The following TMEM117 variants were observed in gnomAD, a reference collection of about 807,000 sequenced individuals.
TMEM117 encodes transmembrane protein 117.
In TMEM117, 27 loss-of-function variants were observed where a neutral mutation model predicts 52.4. The observed-to-expected ratio is 0.51, with a 90% confidence interval of 0.38 to 0.71. The LOEUF (loss-of-function observed/expected upper bound fraction) is 0.71. Among genes scored for constraint, TMEM117 ranks in the 30% least tolerant of loss-of-function variants. TMEM117 has a pLI of 0.00. For synonymous variants in TMEM117, 215 were observed against 206.3 expected (o/e 1.04, Z -0.36); for missense variants, 556 against 630.5 (o/e 0.88, Z 1.26).
At chr12:44,014,228 C>T (rs940469611) in intron 3 of TMEM117, among the ~76,000 whole-genome samples, 1 of 152,078 alleles carries the variant, frequency 6.6e-6, no homozygotes, top group African/African-American at 2.4e-5. Flanking sequence ...TTCCAGTCAC[C>T]CCACTGTGGT....
intron 5 of TMEM117, among the ~76,000 whole-genome samples, chr12:44,230,832 C>A (rs1412493808): frequency 6.6e-6 from 1 of 151,988 alleles, no homozygotes; most frequent in African/African-American, 2.4e-5. Context: ...TAATACATTT[C>A]TTTAATTCCT....
At chr12:44,375,318 T>C (rs1206807691) in intron 6 of TMEM117, among the ~76,000 whole-genome samples, 1 of 152,222 alleles carries the variant, frequency 6.6e-6, no homozygotes, top group Non-Finnish European at 1.5e-5. Context: ...AACAAGAGAT[T>C]TACATGTACC....
chr12:44,183,352 A>G (rs1005838706), intron 4 of TMEM117, among the ~76,000 whole-genome samples: 1 of 152,168 alleles, frequency 6.6e-6, no homozygotes, highest in African/African-American at 2.4e-5. Context: ...TTGGATACTT[A>G]CTTTGCATAG....
At chr12:44,148,556 A>G (rs2138214304) in intron 4 of TMEM117, among the ~76,000 whole-genome samples, 1 of 152,216 alleles carries the variant, frequency 6.6e-6, no homozygotes, top group African/African-American at 2.4e-5. Context: ...TTTGAGTGAC[A>G]ATTTTTGCTG....
intron 5 of TMEM117, among the ~76,000 whole-genome samples, chr12:44,293,133 T>C (rs1347353373): frequency 2.0e-5 from 3 of 152,048 alleles, no homozygotes; most frequent in Non-Finnish European, 4.4e-5. Flanking sequence ...ACAAAATTGT[T>C]ACATTCTCTT....
At chr12:43,895,819 C>T (rs899160844) in intron 2 of TMEM117, among the ~76,000 whole-genome samples, 2 of 152,166 alleles carry the variant, frequency 1.3e-5, no homozygotes, top group Non-Finnish European at 2.9e-5. Context: ...ATAATATGTC[C>T]TTAAACTTAC....
intron 4 of TMEM117, among the ~76,000 whole-genome samples, chr12:44,166,744 G>A (rs1426448407): frequency 6.6e-6 from 1 of 152,150 alleles, no homozygotes; most frequent in Non-Finnish European, 1.5e-5. Flanking sequence ...TAAGCATCCT[G>A]CAAAATCTTC....
In TMEM117 at chr12:44,334,413, T is replaced by C. The variant is rs544694001; in HGVS notation, c.768+34674T>C. 2.6e-5 allele frequency among the ~76,000 whole-genome samples: 4 copies of C among 152,104 alleles called. No individual in the cohort carries two copies. The South Asian group carries it at 8.3e-4, about 31-fold the overall frequency. The stretch of plus-strand genomic sequence containing the variant: ...ATGTGACTTAATGGAAAAGCTACCT[T>C]ACCAAGATTTAGGAGTACATGATTG... On this transcript the variant is annotated intron_variant, in intron 6 of 7. Coordinates refer to ENST00000266534, the MANE Select transcript of TMEM117 (RefSeq NM_032256.3).
At chr12:44,376,153 T>A (rs1243555024) in intron 6 of TMEM117, among the ~76,000 whole-genome samples, 3 of 152,196 alleles carry the variant, frequency 2.0e-5, no homozygotes, top group African/African-American at 7.2e-5. Flanking sequence ...CTTGGTTAAG[T>A]GAATCAGATC....
At chr12:44,252,099 A>G (rs934639455) in intron 5 of TMEM117, among the ~76,000 whole-genome samples, 1 of 152,166 alleles carries the variant, frequency 6.6e-6, no homozygotes, top group Non-Finnish European at 1.5e-5. Context: ...GTCTTCTCTC[A>G]GTTTCACAAG....
At chr12:44,035,903 G>A (rs1946702623) in intron 3 of TMEM117, among the ~76,000 whole-genome samples, 1 of 152,114 alleles carries the variant, frequency 6.6e-6, no homozygotes. Flanking sequence ...GACTGCTGAG[G>A]GCCCCTGAGT....
intron 5 of TMEM117, among the ~76,000 whole-genome samples, chr12:44,221,859 C>A (rs1272467035): frequency 1.3e-5 from 2 of 151,974 alleles, no homozygotes; most frequent in Admixed American, 6.6e-5. Flanking sequence ...CCACCACGCC[C>A]AGCTAATTTT....
At chr12:43,799,149 A>C in the TMEM117 span, among the ~76,000 whole-genome samples, 2 of 152,216 alleles carry the variant, frequency 1.3e-5, no homozygotes, top group East Asian at 3.9e-4. Flanking sequence ...CTTCAAAAGG[A>C]AGATTTACTA....
At chr12:43,844,965 T>G in intron 2 of TMEM117, 37 bp downstream of exon 2, 2 of 1,565,224 alleles carry the variant, frequency 1.3e-6, no homozygotes, top group Non-Finnish European at 1.7e-6. Context: ...ATATCACTAA[T>G]TATTTAATTT....
At chr12:44,016,775 G>A (rs907208922) in intron 3 of TMEM117, among the ~76,000 whole-genome samples, 25 of 152,170 alleles carry the variant, frequency 1.6e-4, no homozygotes, top group African/African-American at 4.8e-4. Flanking sequence ...TATTGGGAGA[G>A]TACCCTGAGC....
intron 5 of TMEM117, among the ~76,000 whole-genome samples, chr12:44,244,949 C>T (rs1249106259): frequency 1.3e-5 from 2 of 152,006 alleles, no homozygotes; most frequent in Non-Finnish European, 2.9e-5. Flanking sequence ...GAAGATACTG[C>T]ATTTCCTTAT....
chr12:43,880,070 A>G (rs1449657396), intron 2 of TMEM117, among the ~76,000 whole-genome samples: 1 of 152,182 alleles, frequency 6.6e-6, no homozygotes, highest in East Asian at 1.9e-4. Context: ...AGCATTTTTC[A>G]TACTTCCCTA....
chr12:44,359,940 A>G (rs1387472507), intron 6 of TMEM117, among the ~76,000 whole-genome samples: 3 of 152,152 alleles, frequency 2.0e-5, no homozygotes, highest in African/African-American at 2.4e-5. Flanking sequence ...TCATCATTCA[A>G]TTCAATTTCT....
intron 5 of TMEM117, among the ~76,000 whole-genome samples, chr12:44,212,463 C>T (rs1949659207): frequency 6.6e-6 from 1 of 151,960 alleles, no homozygotes; most frequent in Non-Finnish European, 1.5e-5. Context: ...ATATGGCTTC[C>T]TTTAAGTGAA....
Sources: allele counts gnomAD v4.1 joint callset (sites outside exome capture counted in the v4.1 genomes callset), GRCh38; gene constraint gnomAD v4.1.1; transcripts MANE v1.5; gene names NCBI Gene and HGNC (gene_info 2026-07-23, HGNC 2026-07-21).